The following NPR3 variants were observed in gnomAD, a reference collection of about 807,000 sequenced individuals.
NPR3 encodes atrial natriuretic peptide receptor 3.
Under a neutral mutation model 54.5 loss-of-function variants are expected in NPR3, and 34 were observed. The observed-to-expected ratio is 0.62, with a 90% CI of 0.47 to 0.83. NPR3 has a LOEUF of 0.83. Among genes scored for constraint, NPR3 ranks in the 40% least tolerant of loss-of-function variants. The probability of loss-of-function intolerance (pLI) is 0.00; values close to 1 mark genes in which losing one functional copy is unlikely to be tolerated. For missense variants in NPR3, 674 were observed against 720.8 expected (o/e 0.94, Z 0.74); for synonymous variants, 289 against 297.1 (o/e 0.97, Z 0.28).
At chr5:32,760,346 A>C (rs1224485509) in intron 3 of NPR3, among the ~76,000 whole-genome samples, 1 of 151,718 alleles carries the variant, frequency 6.6e-6, no homozygotes, top group Admixed American at 6.6e-5. Context: ...TTGTTCTACA[A>C]CCTCATTTAC....
At chr5:32,712,680 G>C (rs1738322070) in intron 1 of NPR3, 135 bp downstream of exon 1, 1 of 803,634 alleles carries the variant, frequency 1.2e-6, no homozygotes, top group Admixed American at 2.6e-5. Context: ...CACTCGTTCA[G>C]GTATGCGCCG....
chr5:32,734,385 A>G (rs1739618334), intron 2 of NPR3, among the ~76,000 whole-genome samples: 1 of 152,226 alleles, frequency 6.6e-6, no homozygotes, highest in Non-Finnish European at 1.5e-5. Context: ...GTCCTTGGTA[A>G]GTACTGGGAA....
chr5:32,740,612 A>AC (rs1025555679), intron 3 of NPR3, among the ~76,000 whole-genome samples: 17 of 152,108 alleles, frequency 1.1e-4, no homozygotes, highest in African/African-American at 4.1e-4. Flanking sequence ...AAAAGTGAAA[A>AC]AAAAAACCCC....
upstream of NPR3, among the ~76,000 whole-genome samples, chr5:32,704,921 G>T (rs1266004083): frequency 6.6e-6 from 1 of 152,118 alleles, no homozygotes; most frequent in African/African-American, 2.4e-5. Context: ...AGTCAGTATT[G>T]GTATGCATGA....
chr5:32,744,910 C>T (rs1740218154), intron 3 of NPR3, among the ~76,000 whole-genome samples: 1 of 152,214 alleles, frequency 6.6e-6, no homozygotes, highest in East Asian at 1.9e-4. Flanking sequence ...TTTCTGCCCA[C>T]TCTTGCATTC....
At chr5:32,691,244 G>A (rs979231614) in intron 1 of NPR3, among the ~76,000 whole-genome samples, 1 of 152,222 alleles carries the variant, frequency 6.6e-6, no homozygotes, top group East Asian at 1.9e-4. Flanking sequence ...TATCTGCAAA[G>A]TTGCGGTTTT....
intron 3 of NPR3, among the ~76,000 whole-genome samples, chr5:32,774,054 A>G (rs1467169602): frequency 6.6e-6 from 1 of 152,318 alleles, no homozygotes; most frequent in East Asian, 1.9e-4. Context: ...CCTGTTTTCC[A>G]TTCCTGTCAT....
At chr5:32,699,604 T>C (rs1740616456) in intron 1 of NPR3, among the ~76,000 whole-genome samples, 1 of 152,270 alleles carries the variant, frequency 6.6e-6, no homozygotes, top group Non-Finnish European at 1.5e-5. Flanking sequence ...TCCTGCTTTT[T>C]AACTTTTTGT....
chr5:32,704,573 A>C (rs756991486), upstream of NPR3, among the ~76,000 whole-genome samples: 2 of 152,230 alleles, frequency 1.3e-5, no homozygotes, highest in Non-Finnish European at 2.9e-5. Context: ...TGAGGCTTCT[A>C]AATGCATGAT....
chr5:32,739,179 G>GT, intron 3 of NPR3, 149 bp downstream of exon 3: 5 of 638,974 alleles, frequency 7.8e-6, no homozygotes, highest in African/African-American at 2.0e-5. Context: ...GTGTGTGTGT[G>GT]TGTGTTTTTT....
chr5:32,756,225 TA>T (rs1415481216), intron 3 of NPR3, among the ~76,000 whole-genome samples: 2 of 152,230 alleles, frequency 1.3e-5, no homozygotes, highest in Non-Finnish European at 2.9e-5. Context: ...ACCAACAGTG[TA>T]AAAGTGTTCC....
In NPR3 at chr5:32,721,603, C is replaced by CCA. The variant is rs927233060; in HGVS notation, c.770-3093_770-3092dup. Among the ~76,000 whole-genome samples, 62 of 152,300 alleles carry CCA rather than the reference C, an allele frequency of 4.1e-4. 1 individual carries two copies. Among genetic ancestry groups the CCA allele is most frequent in the African/African-American group, 1.4e-3 (59 of 41,560 alleles). On this transcript the variant is annotated intron_variant, in intron 1 of 7. Transcript: ENST00000265074. ...GAGGTTGCAGTGAGCTAAGACTGAG[C>CCA]CACTGCACTCTTGTCCGGGTGACAG...
chr5:32,786,180 C>T (rs1228661413), intron 7 of NPR3, 54 bp from the exon 8 acceptor site: 3 of 730,344 alleles, frequency 4.1e-6, no homozygotes, highest in East Asian at 5.5e-5. Context: ...GTAAGAGAAA[C>T]CATGGTATTT....
intron 3 of NPR3, among the ~76,000 whole-genome samples, chr5:32,748,222 T>A (rs986505403): frequency 3.9e-5 from 6 of 152,262 alleles, no homozygotes; most frequent in African/African-American, 1.4e-4. Flanking sequence ...TGATTATTTA[T>A]ATTTTTCATG....
intron 4 of NPR3, among the ~76,000 whole-genome samples, chr5:32,777,380 A>G (rs1218532036): frequency 6.6e-6 from 1 of 152,092 alleles, no homozygotes; most frequent in Non-Finnish European, 1.5e-5. Context: ...CTCTTTCTTC[A>G]CCTGTATAAT....
chr5:32,738,889 C>T lies in NPR3; in HGVS notation c.918C>T (p.Asp306=), dbSNP rs752332895. The T allele has an allele frequency of 6.2e-7, 1 of 1,613,780 alleles. No homozygotes were observed. Among genetic ancestry groups the T allele is most frequent in the South Asian group, 1.1e-5 (1 of 91,050 alleles). Residue 306 remains aspartate, a synonymous_variant, in exon 3 of 8, where the codon GAC becomes GAT. Transcript: ENST00000265074. ...GAGATGGCTCATGGAAGAGAGGAGA[C>T]AAACACGACTTTGAAGCTAAGCAAG... ...SYGDGSWKRG[D]KHDFEAKQAY...
At position 32,711,674 on chromosome 5, in the gene NPR3, G is replaced by A; in HGVS notation, c.-103G>A. 7.5e-7 allele frequency: 1 copy of A among 1,325,912 alleles called. No individual in the cohort carries two copies. The highest frequency in any genetic ancestry group is 9.6e-7 in the Non-Finnish European group (1 of 1,041,732). The allele number at this position is 1,325,912 out of a possible 1,614,324, so 82.1% of individuals were successfully genotyped here. ...CTATTTTGTTAAAGCGCCCAAGGGGGCGCAGGGACCTTGGAGAGAAGAGTG... is the reference window on the plus strand; with the variant it reads ...CTATTTTGTTAAAGCGCCCAAGGGGACGCAGGGACCTTGGAGAGAAGAGTG... On this transcript the variant is annotated 5_prime_UTR_variant, in exon 1 of 8. Transcript: ENST00000265074.
intron 3 of NPR3, among the ~76,000 whole-genome samples, chr5:32,739,969 C>T (rs1478652052): frequency 1.3e-5 from 2 of 152,184 alleles, no homozygotes; most frequent in Non-Finnish European, 2.9e-5. Context: ...CAGCCTCAAA[C>T]TCCTGGGCTC....
At chr5:32,713,396 G>A in intron 1 of NPR3, 1 of 985,478 alleles carries the variant, frequency 1.0e-6, no homozygotes, top group Non-Finnish European at 1.2e-6. Flanking sequence ...GGGGAGCGGG[G>A]GGACGCGGAC....
Sources: allele counts gnomAD v4.1 joint callset (sites outside exome capture counted in the v4.1 genomes callset), GRCh38; gene constraint gnomAD v4.1.1; transcripts MANE v1.5; gene names NCBI Gene and HGNC (gene_info 2026-07-23, HGNC 2026-07-21).